The following TRPC7 variants were observed in gnomAD, a reference collection of about 807,000 sequenced individuals.
TRPC7 encodes short transient receptor potential channel 7.
TRPC7 carries 42 observed loss-of-function variants against 90.1 expected under a neutral mutation model. That is an observed-to-expected ratio of 0.47 (90% confidence interval 0.36 to 0.60). TRPC7 has a LOEUF of 0.60. Ranked by LOEUF, TRPC7 falls within the 20% of genes least tolerant of loss-of-function variation. The pLI is 0.00. For missense variants in TRPC7, 955 were observed against 1,112.3 expected, an observed-to-expected ratio of 0.86 and a Z score of 2.01; for synonymous variants, 451 against 436.3, an observed-to-expected ratio of 1.03 and a Z score of -0.42.
chr5:136,231,650 G>C, intron 7 of TRPC7, 101 bp from the exon 8 acceptor site: 1 of 1,153,734 alleles, frequency 8.7e-7, no homozygotes, highest in African/African-American at 1.5e-5. Context: ...TGTTGCCTAG[G>C]CTGGAGTGCA....
chr5:136,294,534 A>G (rs916509094), intron 3 of TRPC7, among the ~76,000 whole-genome samples: 1 of 152,154 alleles, frequency 6.6e-6, no homozygotes, highest in African/African-American at 2.4e-5. Context: ...AAAACACATG[A>G]AAAAATGCTC....
rs1438369832 is a variant in TRPC7 at position 136,225,989 on chromosome 5, C to G, written c.2262+45G>C. On this transcript the variant is annotated intron_variant, in intron 9 of 11. Transcript: ENST00000513104. Reference sequence around the variant, plus strand: ...CAAACACACTCTAGACTCGCCTGCCCCCTCCTGCTGCCTTCTCCAGCCTCA... The same window carrying G: ...CAAACACACTCTAGACTCGCCTGCCGCCTCCTGCTGCCTTCTCCAGCCTCA... The G allele has an allele frequency of 5.3e-6, 8 of 1,512,870 alleles. No homozygotes were observed. In the South Asian group the frequency reaches 9.7e-5, roughly 18 times the overall value. The allele number at this position is 1,512,870 out of a possible 1,614,324, so 93.7% of individuals were successfully genotyped here.
intron 4 of TRPC7, among the ~76,000 whole-genome samples, chr5:136,268,830 A>G (rs926243134): frequency 3.3e-5 from 5 of 152,180 alleles, no homozygotes; most frequent in Admixed American, 6.5e-5. Context: ...TTCTTTTCCT[A>G]TACTTCTGGG....
chr5:136,305,317 C>T (rs61299732), intron 3 of TRPC7, among the ~76,000 whole-genome samples: 2 of 151,844 alleles, frequency 1.3e-5, no homozygotes, highest in Non-Finnish European at 2.9e-5. Context: ...CAGGCCTAAT[C>T]GCCACACACC....
At chr5:136,325,136 A>G (rs1208509537) in intron 2 of TRPC7, among the ~76,000 whole-genome samples, 1 of 152,240 alleles carries the variant, frequency 6.6e-6, no homozygotes, top group African/African-American at 2.4e-5. Context: ...TGTTCATTAA[A>G]TTGTCACAAC....
intron 1 of TRPC7, among the ~76,000 whole-genome samples, chr5:136,358,766 T>C (rs529748524): frequency 6.6e-6 from 1 of 152,342 alleles, no homozygotes; most frequent in Admixed American, 6.5e-5. Flanking sequence ...CTCTACCAAC[T>C]TGCACATCTT....
At chr5:136,235,900 G>C (rs908851860) in intron 7 of TRPC7, among the ~76,000 whole-genome samples, 1 of 152,098 alleles carries the variant, frequency 6.6e-6, no homozygotes, top group African/African-American at 2.4e-5. Context: ...GAAGATCCAG[G>C]GTGCATGCCT....
At chr5:136,268,311 A>G (rs1757102107) in intron 4 of TRPC7, among the ~76,000 whole-genome samples, 1 of 150,364 alleles carries the variant, frequency 6.7e-6, no homozygotes, top group South Asian at 2.1e-4. Flanking sequence ...GAATGACTGC[A>G]GGGAGGAGAA....
At chr5:136,331,786 A>G (rs79606994) in intron 2 of TRPC7, among the ~76,000 whole-genome samples, 1 of 152,146 alleles carries the variant, frequency 6.6e-6, no homozygotes, top group African/African-American at 2.4e-5. Context: ...ATAACACACA[A>G]GTCAGTCATT....
At chr5:136,240,779 G>A (rs1360418298) in intron 7 of TRPC7, among the ~76,000 whole-genome samples, 1 of 152,140 alleles carries the variant, frequency 6.6e-6, no homozygotes, top group Non-Finnish European at 1.5e-5. Flanking sequence ...GTACCTCTCT[G>A]AGCCTCAGTT....
At chr5:136,239,374 T>C (rs1756085601) in intron 7 of TRPC7, among the ~76,000 whole-genome samples, 1 of 152,206 alleles carries the variant, frequency 6.6e-6, no homozygotes, top group South Asian at 2.1e-4. Context: ...CCTGTGGAGC[T>C]TCTGAATCAG....
chr5:136,293,249 T>C (rs1439801171), intron 3 of TRPC7, among the ~76,000 whole-genome samples: 2 of 152,166 alleles, frequency 1.3e-5, no homozygotes, highest in African/African-American at 4.8e-5. Flanking sequence ...ATGCCCTCTC[T>C]CACCACTCCT....
chr5:136,346,287 A>C (rs1380295565), intron 2 of TRPC7, among the ~76,000 whole-genome samples: 1 of 152,190 alleles, frequency 6.6e-6, no homozygotes, highest in Non-Finnish European at 1.5e-5. Flanking sequence ...TGGTGGAATT[A>C]ATGCTAATAT....
chr5:136,355,280 G>T (rs555693205), intron 2 of TRPC7, among the ~76,000 whole-genome samples: 1 of 152,186 alleles, frequency 6.6e-6, no homozygotes, highest in Non-Finnish European at 1.5e-5. Context: ...GCAAGGCTCT[G>T]GCCCTCAGTT....
chr5:136,244,276 C>T (rs555591294), intron 7 of TRPC7, among the ~76,000 whole-genome samples: 1 of 151,926 alleles, frequency 6.6e-6, no homozygotes, highest in South Asian at 2.1e-4. Flanking sequence ...GGGGATCCTT[C>T]CACCTCAGCC....
Position 136,266,477 on chromosome 5 carries a change from A to G in TRPC7, c.1129-41T>C, listed in dbSNP as rs769692264. ...GTTCAAGACATGTTAAACTGTCTCTAGGTGGATGTAGGTCTTTCTTTATAA... is the reference window on the plus strand; with the variant it reads ...GTTCAAGACATGTTAAACTGTCTCTGGGTGGATGTAGGTCTTTCTTTATAA... On this transcript the variant is annotated intron_variant, in intron 4 of 11. Transcript: ENST00000513104. 5.2e-6 allele frequency: 8 copies of G among 1,530,076 alleles called. No individual in the cohort carries two copies. In the African/African-American group the frequency reaches 5.5e-5, roughly 10 times the overall value. 94.8% of individuals were successfully genotyped at this position (1,530,076 alleles called of 1,614,324 possible).
chr5:136,262,967 T>C (rs1244249311), intron 5 of TRPC7, among the ~76,000 whole-genome samples: 1 of 152,116 alleles, frequency 6.6e-6, no homozygotes, highest in East Asian at 1.9e-4. Context: ...AAGGGTACTA[T>C]GCAAAAACAA....
At position 136,251,787 on chromosome 5, in the gene TRPC7, T is replaced by G. The variant is rs571897384; in HGVS notation, c.1441A>C (p.Ile481Leu). The G allele has an allele frequency of 2.2e-5, 36 of 1,614,028 alleles. No individual in the cohort carries two copies. Among genetic ancestry groups the G allele is most frequent in the Non-Finnish European group, 2.9e-5 (34 of 1,179,890 alleles). The change falls in exon 6 of 12, where the codon ATC (isoleucine) becomes CTC (leucine). Residue 481 changes from isoleucine (I) to leucine (L), a missense_variant. Ile to Leu is a conservative substitution (Grantham distance 5). Coordinates refer to ENST00000513104, the MANE Select transcript of TRPC7 (RefSeq NM_020389.3). ...WNLLDFGMLS[I>L]FVASFTARFM... is the part of the protein sequence containing the mutation. ...CGTGCTGTGAAGGAGGCCACGAAGA[T>G]GGACAGCATCCCGAAATCTAGCAGG...
chr5:136,330,600 G>A (rs1344696971), intron 2 of TRPC7, among the ~76,000 whole-genome samples: 1 of 152,250 alleles, frequency 6.6e-6, no homozygotes, highest in Non-Finnish European at 1.5e-5. Flanking sequence ...AAAGGGAAGA[G>A]AAAGATGAGG....
Sources: allele counts gnomAD v4.1 joint callset (sites outside exome capture counted in the v4.1 genomes callset), GRCh38; gene constraint gnomAD v4.1.1; transcripts MANE v1.5; gene names NCBI Gene and HGNC (gene_info 2026-07-23, HGNC 2026-07-21).